CDC42BPA: variants seen among roughly 807,000 people sequenced by gnomAD.
The protein encoded by CDC42BPA is CDC42 binding protein kinase alpha, also known as serine/threonine-protein kinase MRCK alpha.
CDC42BPA carries 80 observed loss-of-function variants against 223.5 expected under a neutral mutation model. The ratio of observed to expected loss-of-function variants is 0.36; its 90% CI spans 0.30 to 0.43. The LOEUF is 0.43. CDC42BPA is among the 20% of genes least tolerant of loss of function. The probability of loss-of-function intolerance (pLI) is 1.00; values close to 1 mark genes in which losing one functional copy is unlikely to be tolerated. For synonymous variants in CDC42BPA, 694 were observed against 718.6 expected (o/e 0.97, Z 0.55); for missense variants, 1,743 against 2,099.9 (o/e 0.83, Z 3.32).
At chr1:227,114,022 A>AAAAAAAAAAAAAAAAG (rs1162177105) in intron 12 of CDC42BPA, among the ~76,000 whole-genome samples, 1 of 151,666 alleles carries the variant, frequency 6.6e-6, no homozygotes, top group Non-Finnish European at 1.5e-5. Flanking sequence ...CAACTCAAAA[A>AAAAAAAAAAAAAAAAG]AAAAGAAAAG....
At position 227,186,192 on chromosome 1, in the gene CDC42BPA, G is replaced by C. The variant is rs1165440980; in HGVS notation, c.599+7594C>G. Among the ~76,000 whole-genome samples the C allele has an allele frequency of 4.6e-5, 7 of 152,296 alleles. No homozygotes were observed. In the East Asian group the frequency reaches 1.4e-3, roughly 29 times the overall value. On this transcript the variant is annotated intron_variant, in intron 5 of 36. Coordinates refer to ENST00000366766, the MANE Select transcript of CDC42BPA (RefSeq NM_001394014.1). The stretch of plus-strand genomic sequence containing the variant: ...ACTCCAAAGGCAGCCCAGTCATAGG[G>C]AGGCCGCACATTTATTTTTGAGTTT...
intron 24 of CDC42BPA, among the ~76,000 whole-genome samples, chr1:227,038,586 T>C (rs530938731): frequency 1.3e-5 from 2 of 152,164 alleles, no homozygotes; most frequent in East Asian, 1.9e-4. Flanking sequence ...GACATCTCAA[T>C]TGGTTCAGCT....
chr1:227,209,890 T>C (rs1673557050), intron 3 of CDC42BPA, among the ~76,000 whole-genome samples: 1 of 149,816 alleles, frequency 6.7e-6, no homozygotes, highest in African/African-American at 2.5e-5. Context: ...TTAGGGAGGA[T>C]TCCCTCTTTT....
At chr1:227,312,247 C>T (rs1326828871) in intron 1 of CDC42BPA, among the ~76,000 whole-genome samples, 2 of 152,130 alleles carry the variant, frequency 1.3e-5, no homozygotes, top group African/African-American at 4.8e-5. Context: ...ACGTAACATA[C>T]TGTCAATAAA....
chr1:227,262,952 G>T (rs1359558513), intron 1 of CDC42BPA, among the ~76,000 whole-genome samples: 5 of 152,156 alleles, frequency 3.3e-5, no homozygotes, highest in Admixed American at 1.3e-4. Flanking sequence ...ATCATTTTTG[G>T]CTGGGTGCAG....
intron 1 of CDC42BPA, among the ~76,000 whole-genome samples, chr1:227,302,520 T>C (rs949485422): frequency 1.1e-4 from 16 of 152,230 alleles, no homozygotes; most frequent in Non-Finnish European, 1.9e-4. Flanking sequence ...ATTCACACTC[T>C]TTGGAACCTT....
chr1:227,008,162 GA>G (rs1664462691), intron 34 of CDC42BPA, among the ~76,000 whole-genome samples: 1 of 152,150 alleles, frequency 6.6e-6, no homozygotes, highest in South Asian at 2.1e-4. Flanking sequence ...TAAATAAATG[GA>G]AAATGAATAG....
chr1:227,077,726 A>G (rs1679792276), intron 17 of CDC42BPA, among the ~76,000 whole-genome samples: 1 of 152,198 alleles, frequency 6.6e-6, no homozygotes, highest in South Asian at 2.1e-4. Context: ...ACAAAATAAA[A>G]TAACAGCTAA....
At chr1:227,224,690 G>A (rs1165935154) in intron 2 of CDC42BPA, among the ~76,000 whole-genome samples, 6 of 152,128 alleles carry the variant, frequency 3.9e-5, no homozygotes, top group Admixed American at 1.3e-4. Flanking sequence ...AAATTAAAGT[G>A]TAAAGAAAAA....
At chr1:227,000,699 T>C (rs778043284) in intron 35 of CDC42BPA, among the ~76,000 whole-genome samples, 3 of 152,186 alleles carry the variant, frequency 2.0e-5, no homozygotes, top group East Asian at 1.9e-4. Flanking sequence ...TGATCATTTA[T>C]AGAGCAGATA....
chr1:227,175,284 T>C (rs943518216), intron 5 of CDC42BPA, among the ~76,000 whole-genome samples: 1 of 152,128 alleles, frequency 6.6e-6, no homozygotes, highest in African/African-American at 2.4e-5. Flanking sequence ...CAGCAACCTA[T>C]TAACCAACAC....
At chr1:227,073,503 A>G (rs911733983) in intron 19 of CDC42BPA, among the ~76,000 whole-genome samples, 13 of 152,156 alleles carry the variant, frequency 8.5e-5, no homozygotes, top group African/African-American at 2.4e-4. Flanking sequence ...TCAAATGATT[A>G]TATTTTGTTC....
At chr1:227,224,980 A>G (rs1164945661) in intron 2 of CDC42BPA, among the ~76,000 whole-genome samples, 2 of 151,946 alleles carry the variant, frequency 1.3e-5, no homozygotes, top group South Asian at 2.1e-4. Context: ...TAACAGAGGG[A>G]AAAAAAATCT....
chr1:227,130,770 G>A (rs575409878), intron 10 of CDC42BPA, among the ~76,000 whole-genome samples: 5 of 152,224 alleles, frequency 3.3e-5, no homozygotes, highest in East Asian at 3.9e-4. Context: ...CAGGAGAAAC[G>A]CTTGAACCTG....
At chr1:227,019,272 A>T (rs902295608) in intron 32 of CDC42BPA, among the ~76,000 whole-genome samples, 1 of 152,134 alleles carries the variant, frequency 6.6e-6, no homozygotes, top group African/African-American at 2.4e-5. Flanking sequence ...TACCCATGAG[A>T]TACAACACCT....
intron 6 of CDC42BPA, among the ~76,000 whole-genome samples, chr1:227,155,709 C>T (rs1662626332): frequency 6.6e-6 from 1 of 152,068 alleles, no homozygotes; most frequent in Non-Finnish European, 1.5e-5. Flanking sequence ...TGGTCACTTA[C>T]ACCAGGAAGA....
chr1:227,106,063 A>G (rs1685871475), intron 14 of CDC42BPA, among the ~76,000 whole-genome samples: 1 of 152,190 alleles, frequency 6.6e-6, no homozygotes, highest in Non-Finnish European at 1.5e-5. Flanking sequence ...TTAGCAACAT[A>G]TAAGGGTTCC....
In CDC42BPA at chr1:227,253,270, G is replaced by A. The variant is rs151272706; in HGVS notation, c.270+794C>T. The stretch of plus-strand genomic sequence containing the variant: ...AGCGAGAGAGAGAGCGAGAGAGAGC[G>A]CGCGCGCGTGCGCGTGCATGTGTAT... On this transcript the variant is annotated intron_variant, in intron 2 of 36. Transcript: ENST00000366766. Among the ~76,000 whole-genome samples the A allele has an allele frequency of 6.6e-5, 10 of 152,218 alleles. No individual in the cohort carries two copies. In the East Asian group the frequency reaches 1.7e-3, roughly 26 times the overall value.
At chr1:227,031,565 T>C (rs753782639) in intron 27 of CDC42BPA, 51 bp from the exon 28 acceptor site, 4 of 1,433,622 alleles carry the variant, frequency 2.8e-6, no homozygotes, top group Non-Finnish European at 3.9e-6. Context: ...ACACCCTTTA[T>C]GCTAGTTTCA....
Sources: allele counts gnomAD v4.1 joint callset (sites outside exome capture counted in the v4.1 genomes callset), GRCh38; gene constraint gnomAD v4.1.1; transcripts MANE v1.5; gene names NCBI Gene and HGNC (gene_info 2026-07-23, HGNC 2026-07-21).